Variants in FAM163B observed in about 807,000 individuals in gnomAD.
FAM163B encodes family with sequence similarity 163 member B.
In FAM163B, 4 loss-of-function variants were observed where a neutral mutation model predicts 7.6. That is an observed-to-expected ratio of 0.52 (90% CI 0.26 to 1.20). The LOEUF (loss-of-function observed/expected upper bound fraction) is 1.20, where lower values mean the gene tolerates loss of function less well. FAM163B is among the 50% of genes most tolerant of loss of function. FAM163B has a pLI of 0.14. For synonymous variants in FAM163B, 120 were observed against 111.6 expected, an observed-to-expected ratio of 1.07 and a Z score of -0.47; for missense variants, 250 against 243.0, an observed-to-expected ratio of 1.03 and a Z score of -0.19.
chr9:133,599,683 C>A (rs1434191033), intron 1 of FAM163B, among the ~76,000 whole-genome samples: 3 of 148,556 alleles, frequency 2.0e-5, no homozygotes, highest in Non-Finnish European at 4.5e-5. Context: ...GCATATGTGT[C>A]AGTGTGCATG....
In FAM163B at chr9:133,600,330, T is replaced by C. The variant is rs1831705059; in HGVS notation, c.-24+8747A>G. ...GAGTGGATGAAGAGCAGCATGCAGG[T>C]GCAAAGGTAGAGTCCAGCAGCCTGG... On this transcript the variant is annotated intron_variant, in intron 1 of 2. Transcript: ENST00000673969. This position sits in a 1 kb window ranked among gnomAD's most constrained non-coding sequence, Gnocchi z 4.9. 6.6e-6 allele frequency among the ~76,000 whole-genome samples: 1 copy of C among 151,690 alleles called. No homozygotes were observed. Among genetic ancestry groups the C allele is most frequent in the African/African-American group, 2.4e-5 (1 of 41,286 alleles).
chr9:133,585,154 G>A (rs1006324897), intron 1 of FAM163B, among the ~76,000 whole-genome samples: 8 of 152,194 alleles, frequency 5.3e-5, no homozygotes, highest in Non-Finnish European at 8.8e-5. Context: ...GGCAGGGAGA[G>A]CCAGCTGCGT....
intron 1 of FAM163B, among the ~76,000 whole-genome samples, chr9:133,583,583 A>C (rs1175105033): frequency 6.6e-6 from 1 of 151,958 alleles, no homozygotes; most frequent in Non-Finnish European, 1.5e-5. Flanking sequence ...CCTGGGTCTG[A>C]GTCCTTCATC....
chr9:133,588,992 G>T (rs572303576), intron 1 of FAM163B, among the ~76,000 whole-genome samples: 1 of 152,228 alleles, frequency 6.6e-6, no homozygotes, highest in East Asian at 1.9e-4. Flanking sequence ...TCGTGGTTCA[G>T]GCCCCGTCTC....
chr9:133,596,247 C>T (rs940301652), intron 1 of FAM163B, among the ~76,000 whole-genome samples: 3 of 133,720 alleles, frequency 2.2e-5, no homozygotes, highest in South Asian at 2.4e-4. Flanking sequence ...GGCGGCTGTG[C>T]GGGGAGCCCC....
rs773231301 is a variant in FAM163B at position 133,579,095 on chromosome 9, G to T, written c.428C>A (p.Ala143Glu). 1 of 1,598,364 alleles carries T rather than the reference G, an allele frequency of 6.3e-7. No homozygotes were observed. Among genetic ancestry groups the T allele is most frequent in the Non-Finnish European group, 8.5e-7 (1 of 1,174,590 alleles). Residue 143 changes from alanine to glutamate, a missense_variant, in exon 3 of 3, where the codon GCG becomes GAG. Coordinates refer to ENST00000673969, the MANE Select transcript of FAM163B (RefSeq NM_001080515.3). ...GGCTGAGAGGCGGTTGGGGTTGAGC[G>T]CCTGCAGGCCCCCGAAGCCCCCCGG... ...LPPGGFGGLQ[A>E]LNPNRLSAMR...
chr9:133,599,968 T>C (rs1444165254), intron 1 of FAM163B, among the ~76,000 whole-genome samples: 10 of 104,032 alleles, frequency 9.6e-5, no homozygotes, highest in Admixed American at 8.6e-4. Flanking sequence ...TGTGTGCATG[T>C]GTGTGTGTCT....
At position 133,600,257 on chromosome 9, in the gene FAM163B, GTC is replaced by G. The variant is rs1352989467; in HGVS notation, c.-24+8818_-24+8819del. 3.8e-5 allele frequency among the ~76,000 whole-genome samples: 2 copies of G among 52,636 alleles called. No homozygotes were observed. Among genetic ancestry groups the G allele is most frequent in the African/African-American group, 1.7e-4 (1 of 6,038 alleles). The allele number at this position is 52,636 out of a possible 152,430, so 34.5% of individuals were successfully genotyped here. On this transcript the variant is annotated intron_variant, in intron 1 of 2. Coordinates refer to ENST00000673969, the MANE Select transcript of FAM163B (RefSeq NM_001080515.3). The surrounding 1 kb of genome is among the most constrained non-coding windows in gnomAD (Gnocchi z 4.9). ...GTCTGTGTGCATGTGTGTGAGTGTG[GTC>G]TGTGTGTGTGTGTGTGTGTGTGTGT...
intron 1 of FAM163B, among the ~76,000 whole-genome samples, chr9:133,599,527 G>C (rs1029950037): frequency 1.1e-4 from 17 of 152,102 alleles, no homozygotes; most frequent in Admixed American, 3.3e-4. Context: ...GCATATGTAT[G>C]TGTCTGTGTG....
chr9:133,578,471 G>A lies in FAM163B; in HGVS notation c.*551C>T, dbSNP rs1264267174. The A allele has an allele frequency of 1.3e-5, 2 of 152,980 alleles. No homozygotes were observed. Among genetic ancestry groups the A allele is most frequent in the Non-Finnish European group, 2.9e-5 (2 of 68,634 alleles). 9.5% of individuals were successfully genotyped at this position (152,980 alleles called of 1,614,324 possible). On this transcript the variant is annotated 3_prime_UTR_variant, in exon 3 of 3. Transcript: ENST00000673969. Reference sequence around the variant, plus strand: ...ACTTGGCCCTTGAACCCGGAAGAGTGTGTGTGTGAGAGAGAGGGAGAGACG... The same window carrying A: ...ACTTGGCCCTTGAACCCGGAAGAGTATGTGTGTGAGAGAGAGGGAGAGACG...
chr9:133,581,152 C>T (rs1056501015), intron 1 of FAM163B, among the ~76,000 whole-genome samples: 1 of 152,216 alleles, frequency 6.6e-6, no homozygotes, highest in African/African-American at 2.4e-5. Context: ...CTGCATTCAG[C>T]TCATCCCTGT....
chr9:133,596,554 C>A (rs142828668), intron 1 of FAM163B, among the ~76,000 whole-genome samples: 4 of 152,138 alleles, frequency 2.6e-5, no homozygotes, highest in Non-Finnish European at 2.9e-5. Context: ...GGGGGAGAGA[C>A]AAGGAGGGCC....
chr9:133,581,311 C>A (rs1026399587), intron 1 of FAM163B, among the ~76,000 whole-genome samples: 5 of 152,202 alleles, frequency 3.3e-5, no homozygotes, highest in Non-Finnish European at 5.9e-5. Context: ...TTCACAATCA[C>A]CTCTCACAGA....
intron 1 of FAM163B, among the ~76,000 whole-genome samples, chr9:133,585,720 C>T (rs1831425978): frequency 6.6e-6 from 1 of 152,230 alleles, no homozygotes; most frequent in South Asian, 2.1e-4. Context: ...TGCACGGGCC[C>T]TGCAATCTGA....
intron 1 of FAM163B, among the ~76,000 whole-genome samples, chr9:133,590,728 G>C (rs1463426857): frequency 6.6e-6 from 1 of 152,178 alleles, no homozygotes; most frequent in African/African-American, 2.4e-5. Flanking sequence ...CACATGGAAG[G>C]CACCCCAGAC....
At chr9:133,605,833 C>A (rs1000707403) in intron 1 of FAM163B, among the ~76,000 whole-genome samples, 1 of 152,208 alleles carries the variant, frequency 6.6e-6, no homozygotes, top group Non-Finnish European at 1.5e-5. Context: ...AACATCCAGC[C>A]CTCAACATGC....
chr9:133,584,601 T>C (rs1564191105), intron 1 of FAM163B, among the ~76,000 whole-genome samples: 1 of 152,252 alleles, frequency 6.6e-6, no homozygotes, highest in Non-Finnish European at 1.5e-5. Context: ...CTCCCAAGGA[T>C]ACTTGTGCTC....
chr9:133,588,062 A>G (rs918158420), intron 1 of FAM163B, among the ~76,000 whole-genome samples: 57 of 152,314 alleles, frequency 3.7e-4, no homozygotes, highest in African/African-American at 1.4e-3. Context: ...AGCCAGGAGC[A>G]GCCACAGAGG....
At position 133,578,943 on chromosome 9, in the gene FAM163B, G is replaced by A; in HGVS notation, c.*79C>T. ...CTCAGCCAAGCCCCACTTGGGGCCT[G>A]GGGCCAGGTGGGTGTGCCAAAGGAA... On this transcript the variant is annotated 3_prime_UTR_variant, in exon 3 of 3. Coordinates refer to ENST00000673969, the MANE Select transcript of FAM163B (RefSeq NM_001080515.3). The A allele has an allele frequency of 7.0e-7, 1 of 1,438,820 alleles. No individual in the cohort carries two copies. The highest frequency in any genetic ancestry group is 9.1e-7 in the Non-Finnish European group (1 of 1,099,266). The allele number at this position is 1,438,820 out of a possible 1,614,324, so 89.1% of individuals were successfully genotyped here.
Sources: allele counts gnomAD v4.1 joint callset (sites outside exome capture counted in the v4.1 genomes callset), GRCh38; gene constraint gnomAD v4.1.1; non-coding constraint Gnocchi (gnomAD v3.1); transcripts MANE v1.5; gene names NCBI Gene and HGNC (gene_info 2026-07-23, HGNC 2026-07-21).